GLIS3: variants seen among roughly 807,000 people sequenced by gnomAD.
GLIS3 encodes the protein zinc finger protein GLIS3.
A neutral mutation model predicts 78.6 loss-of-function variants in GLIS3; 53 were observed. The ratio of observed to expected loss-of-function variants is 0.67; its 90% confidence interval spans 0.54 to 0.85. The LOEUF (loss-of-function observed/expected upper bound fraction) is 0.85. Ranked by LOEUF, GLIS3 falls within the 40% of genes least tolerant of loss-of-function variation. The pLI is 0.00. For missense variants in GLIS3, 1,703 were observed against 1,231.1 expected (o/e 1.38, Z -5.74); for synonymous variants, 684 against 509.9 (o/e 1.34, Z -4.60).
chr9:3,945,167 T>C (rs560107253), intron 4 of GLIS3, among the ~76,000 whole-genome samples: 23 of 152,322 alleles, frequency 1.5e-4, no homozygotes, highest in Admixed American at 1.2e-3. Flanking sequence ...ACTCGAACCA[T>C]AGCAAAAGCT....
At chr9:4,277,686 A>T (rs934038970) in intron 2 of GLIS3, among the ~76,000 whole-genome samples, 1 of 152,232 alleles carries the variant, frequency 6.6e-6, no homozygotes, top group Non-Finnish European at 1.5e-5. Context: ...AAGTAAAATA[A>T]AAACTCTTAT....
the GLIS3 span, among the ~76,000 whole-genome samples, chr9:4,370,741 G>C: frequency 6.6e-6 from 1 of 151,258 alleles, no homozygotes; most frequent in Admixed American, 6.6e-5. Context: ...ATTTAGCATA[G>C]TATTATATCC....
At chr9:4,316,818 C>A (rs1017599110) in intron 2 of GLIS3, among the ~76,000 whole-genome samples, 1 of 152,164 alleles carries the variant, frequency 6.6e-6, no homozygotes, top group Non-Finnish European at 1.5e-5. Context: ...AAAATGTATG[C>A]ATAGCTCAAA....
the GLIS3 span, among the ~76,000 whole-genome samples, chr9:4,483,989 C>G: frequency 2.0e-5 from 3 of 152,182 alleles, no homozygotes; most frequent in African/African-American, 7.2e-5. Flanking sequence ...GGGCCAAGTG[C>G]TTAGAAGAGC....
chr9:4,321,547 C>T (rs1017551079), intron 2 of GLIS3, among the ~76,000 whole-genome samples: 3 of 143,504 alleles, frequency 2.1e-5, no homozygotes, highest in East Asian at 2.2e-4. Flanking sequence ...TCTCTATTTA[C>T]GTAATTAAAA....
intron 4 of GLIS3, among the ~76,000 whole-genome samples, chr9:4,027,324 G>A (rs1823429308): frequency 6.6e-6 from 1 of 152,202 alleles, no homozygotes; most frequent in Non-Finnish European, 1.5e-5. Context: ...CACAAACAGT[G>A]TAATTTAGCA....
intron 2 of GLIS3, among the ~76,000 whole-genome samples, chr9:4,262,584 C>T (rs1825629235): frequency 6.6e-6 from 1 of 152,096 alleles, no homozygotes; most frequent in African/African-American, 2.4e-5. Flanking sequence ...TATTTACGTC[C>T]TAACAACTTA....
chr9:3,957,423 G>A (rs896449920), intron 4 of GLIS3, among the ~76,000 whole-genome samples: 7 of 152,220 alleles, frequency 4.6e-5, no homozygotes, highest in African/African-American at 9.6e-5. Flanking sequence ...CTGAGCCTGC[G>A]TGTGCAGGAG....
the GLIS3 span, among the ~76,000 whole-genome samples, chr9:4,386,841 T>TCC: frequency 6.6e-6 from 1 of 152,172 alleles, no homozygotes; most frequent in Non-Finnish European, 1.5e-5. Flanking sequence ...CTGCTTCATC[T>TCC]CCCCACTGAG....
intron 2 of GLIS3, among the ~76,000 whole-genome samples, chr9:4,321,292 G>A (rs1382192211): frequency 3.1e-5 from 4 of 129,906 alleles, no homozygotes; most frequent in Non-Finnish European, 4.6e-5. Flanking sequence ...AGTGGTGGCG[G>A]GCGCCTGTAG....
intron 6 of GLIS3, among the ~76,000 whole-genome samples, chr9:3,930,658 A>T (rs1488632718): frequency 2.0e-5 from 3 of 152,138 alleles, no homozygotes; most frequent in Non-Finnish European, 4.4e-5. Context: ...AGTGTTGCTT[A>T]TTTGTCTAGA....
chr9:4,370,286 G>C, the GLIS3 span, among the ~76,000 whole-genome samples: 3 of 151,630 alleles, frequency 2.0e-5, no homozygotes, highest in Admixed American at 1.3e-4. Context: ...CCTTCCATGT[G>C]ACAGTCTTCA....
intron 2 of GLIS3, among the ~76,000 whole-genome samples, chr9:4,204,709 G>C (rs1490978689): frequency 2.6e-5 from 4 of 151,830 alleles, no homozygotes; most frequent in Admixed American, 2.0e-4. Flanking sequence ...CCTGAGCTCA[G>C]GAGTTTGAGA....
intron 4 of GLIS3, among the ~76,000 whole-genome samples, chr9:3,966,469 TA>T (rs1231476234): frequency 6.6e-6 from 1 of 150,814 alleles, no homozygotes; most frequent in Non-Finnish European, 1.5e-5. Context: ...ATTGATGATA[TA>T]AAAAAAGATG....
intron 1 of GLIS3, among the ~76,000 whole-genome samples, chr9:4,296,232 A>G (rs1016194634): frequency 1.3e-5 from 2 of 151,748 alleles, no homozygotes; most frequent in Non-Finnish European, 1.5e-5. Context: ...TGAGAGAGAC[A>G]ACAGTGGAAA....
At chr9:3,956,484 T>C (rs1588310433) in intron 4 of GLIS3, among the ~76,000 whole-genome samples, 2 of 152,206 alleles carry the variant, frequency 1.3e-5, no homozygotes, top group South Asian at 4.1e-4. Flanking sequence ...AGAATATTTT[T>C]GGCCCATCAA....
intron 8 of GLIS3, among the ~76,000 whole-genome samples, chr9:3,868,051 A>G (rs779171137): frequency 2.6e-5 from 4 of 152,202 alleles, no homozygotes; most frequent in Non-Finnish European, 4.4e-5. Context: ...TTTGAGGCTT[A>G]TATTTGTCTT....
intron 2 of GLIS3, among the ~76,000 whole-genome samples, chr9:4,242,750 A>T (rs1823437521): frequency 6.6e-6 from 1 of 152,208 alleles, no homozygotes; most frequent in African/African-American, 2.4e-5. Context: ...CCAGATTCAG[A>T]AGATTTTGCA....
intron 7 of GLIS3, among the ~76,000 whole-genome samples, chr9:3,887,533 G>C (rs1192520863): frequency 2.6e-5 from 4 of 152,138 alleles, no homozygotes; most frequent in Admixed American, 1.3e-4. Flanking sequence ...GAATATTCAG[G>C]TTCTCTTACA....
Sources: allele counts gnomAD v4.1 joint callset (sites outside exome capture counted in the v4.1 genomes callset), GRCh38; gene constraint gnomAD v4.1.1; transcripts MANE v1.5; gene names NCBI Gene and HGNC (gene_info 2026-07-23, HGNC 2026-07-21).